The following TMTC4 variants were observed in gnomAD, a reference collection of about 807,000 sequenced individuals.
The protein encoded by TMTC4 is protein O-mannosyl-transferase TMTC4.
Under a neutral mutation model 86.0 loss-of-function variants are expected in TMTC4, and 65 were observed. The observed-to-expected ratio is 0.76, with a 90% CI of 0.62 to 0.93. The LOEUF (loss-of-function observed/expected upper bound fraction) is 0.93, where lower values mean the gene tolerates loss of function less well. TMTC4 is among the 40% of genes least tolerant of loss of function. TMTC4 has a pLI of 0.00. For synonymous variants in TMTC4, 379 were observed against 382.5 expected (o/e 0.99, Z 0.11); for missense variants, 866 against 948.1 (o/e 0.91, Z 1.14).
rs888911985 is a variant in TMTC4 at position 100,605,502 on chromosome 13, C to A, written c.2135-360G>T. Among the ~76,000 whole-genome samples the A allele has an allele frequency of 1.3e-5, 2 of 152,140 alleles. No individual in the cohort carries two copies. The highest frequency in any genetic ancestry group is 2.9e-5 in the Non-Finnish European group (2 of 68,022). On this transcript the variant is annotated intron_variant, in intron 18 of 18. Transcript: ENST00000342624. This position sits in a 1 kb window ranked among gnomAD's most constrained non-coding sequence, Gnocchi z 4.3. Reference sequence around the variant, plus strand: ...AGGTGGGGGTGATGGATGCTAGGCACTGCCCAGAGCCCTGACTATGCAGAA... The same window carrying A: ...AGGTGGGGGTGATGGATGCTAGGCAATGCCCAGAGCCCTGACTATGCAGAA...
At position 100,629,814 on chromosome 13, in the gene TMTC4, C is replaced by T. The variant is rs1256534693; in HGVS notation, c.1507-3664G>A. Among the ~76,000 whole-genome samples the T allele has an allele frequency of 4.6e-5, 7 of 152,002 alleles. No individual in the cohort carries two copies. The East Asian group carries it at 9.7e-4, about 21-fold the overall frequency. ...TATGACCCCAGTCCAGTATGAATGG[C>T]GTCCTTACAGAAAGAGGAAATATGG... On this transcript the variant is annotated intron_variant, in intron 12 of 18. Transcript: ENST00000342624.
At chr13:100,672,190 A>ATG (rs1378446362) in intron 1 of TMTC4, among the ~76,000 whole-genome samples, 2 of 152,336 alleles carry the variant, frequency 1.3e-5, no homozygotes, top group East Asian at 3.9e-4. Flanking sequence ...GGGCGCACCC[A>ATG]TGTTGCCAGT....
At chr13:100,612,107 G>A (rs1439839726) in intron 17 of TMTC4, among the ~76,000 whole-genome samples, 1 of 152,212 alleles carries the variant, frequency 6.6e-6, no homozygotes. Flanking sequence ...CGGCCTCTGA[G>A]GCCAAACATT....
intron 3 of TMTC4, chr13:100,665,992 T>C: frequency 2.2e-6 from 1 of 456,596 alleles, no homozygotes; most frequent in Middle Eastern, 3.3e-4. Context: ...CTTACAGAAG[T>C]ACCCGGTCAG....
At chr13:100,633,747 T>C (rs2138858007) in intron 12 of TMTC4, among the ~76,000 whole-genome samples, 1 of 152,352 alleles carries the variant, frequency 6.6e-6, no homozygotes, top group Admixed American at 6.5e-5. Context: ...AGCCCGCTGC[T>C]CCTAGGCCAG....
intron 15 of TMTC4, among the ~76,000 whole-genome samples, chr13:100,621,606 T>C (rs1205750867): frequency 6.6e-6 from 1 of 152,068 alleles, no homozygotes; most frequent in East Asian, 1.9e-4. Flanking sequence ...TTTGCATTTT[T>C]AGTAGAGATG....
chr13:100,637,144 G>A (rs1283336413), intron 9 of TMTC4, among the ~76,000 whole-genome samples: 1 of 151,870 alleles, frequency 6.6e-6, no homozygotes, highest in Non-Finnish European at 1.5e-5. Flanking sequence ...TGATACCCTT[G>A]CCTTTAGAAA....
chr13:100,623,966 C>A, intron 15 of TMTC4: 1 of 412,682 alleles, frequency 2.4e-6, no homozygotes, highest in South Asian at 1.9e-5. Context: ...TGTATGGGTC[C>A]AGTCTCTTCC....
At chr13:100,630,019 C>CTGTGTGTGTGTGTG (rs377655969) in intron 12 of TMTC4, among the ~76,000 whole-genome samples, 1 of 146,680 alleles carries the variant, frequency 6.8e-6, no homozygotes, top group Non-Finnish European at 1.5e-5. Context: ...GCCACCCAAT[C>CTGTGTGTGTGTGTG]TGTGTGTATG....
chr13:100,673,436 T>C (rs985670559), intron 1 of TMTC4: 24 of 874,126 alleles, frequency 2.7e-5, no homozygotes, highest in Non-Finnish European at 3.0e-5. Context: ...TTCAATCACA[T>C]AGCCAGCCAT....
rs557261365 is a variant in TMTC4, at chr13:100,635,252, A to G, written c.1203-57T>C. On this transcript the variant is annotated intron_variant, in intron 10 of 18. Coordinates refer to ENST00000342624, the MANE Select transcript of TMTC4 (RefSeq NM_032813.5). ...TATTTCCAGACTTCTCAAGAAAAAC[A>G]TCCTACTCCACATTAAATTAATGCT... The G allele has an allele frequency of 1.1e-4, 155 of 1,445,498 alleles. No homozygotes were observed. The African/African-American group carries it at 1.9e-3, about 18-fold the overall frequency. The allele number at this position is 1,445,498 out of a possible 1,614,324, so 89.5% of individuals were successfully genotyped here. A position where few individuals can be genotyped will look rare whatever the true frequency, so the allele number is the denominator to read the frequency against.
rs1196710615 is a variant in TMTC4 at position 100,604,257 on chromosome 13, T to G, written c.*737A>C. The G allele has an allele frequency of 1.3e-5, 2 of 152,674 alleles. No homozygotes were observed. Among genetic ancestry groups the G allele is most frequent in the African/African-American group, 4.8e-5 (2 of 41,458 alleles). 9.5% of individuals were successfully genotyped at this position (152,674 alleles called of 1,614,324 possible). On this transcript the variant is annotated 3_prime_UTR_variant, in exon 19 of 19. Coordinates refer to ENST00000342624, the MANE Select transcript of TMTC4 (RefSeq NM_032813.5). ...ACAAAAATAAAGATGTGAGGCTGCC[T>G]GCTCTTGCCTAAAGCATGGCTTGAA...
intron 17 of TMTC4, among the ~76,000 whole-genome samples, chr13:100,611,539 G>T (rs1164239901): frequency 1.3e-5 from 2 of 152,090 alleles, no homozygotes; most frequent in Non-Finnish European, 2.9e-5. Context: ...GAGCCGAGAT[G>T]GCGCCACTGC....
At position 100,637,694 on chromosome 13, in the gene TMTC4, G is replaced by T; in HGVS notation, c.843C>A (p.Gly281=). The stretch of plus-strand genomic sequence containing the variant: ...AGAGGAGGCCCCCGTTCCTGAGCAT[G>T]CCGAGATTCTGCAAGGACATCGCAA... ...LHKDKSLENL[G]MLRNGGLLFR... is the part of the protein sequence containing the mutation. The change falls in exon 9 of 19, where the codon GGC becomes GGA. Residue 281 remains glycine (G), a synonymous_variant. Coordinates refer to ENST00000342624, the MANE Select transcript of TMTC4 (RefSeq NM_032813.5). The T allele has an allele frequency of 6.2e-7, 1 of 1,613,840 alleles. No homozygotes were observed. Among genetic ancestry groups the T allele is most frequent in the Non-Finnish European group, 8.5e-7 (1 of 1,179,794 alleles).
chr13:100,613,719 G>A (rs1429161747), intron 16 of TMTC4, among the ~76,000 whole-genome samples: 2 of 151,868 alleles, frequency 1.3e-5, no homozygotes, highest in Non-Finnish European at 2.9e-5. Context: ...CATTTTCCCA[G>A]ACATTCACAT....
chr13:100,625,705 CAAG>C, intron 14 of TMTC4, 29 bp from the exon 15 acceptor site: 3 of 1,611,696 alleles, frequency 1.9e-6, no homozygotes, highest in South Asian at 1.1e-5. Flanking sequence ...CAAAGATAAA[CAAG>C]AAGATGAAAG....
At chr13:100,616,960 G>A (rs536208941) in intron 15 of TMTC4, among the ~76,000 whole-genome samples, 6 of 152,216 alleles carry the variant, frequency 3.9e-5, no homozygotes, top group South Asian at 2.1e-4. Context: ...TCTGTAGGTC[G>A]TCTGTTTACT....
At chr13:100,617,799 G>C (rs1182981682) in intron 15 of TMTC4, among the ~76,000 whole-genome samples, 2 of 152,190 alleles carry the variant, frequency 1.3e-5, no homozygotes, top group African/African-American at 4.8e-5. Context: ...TTATGCTTAG[G>C]ACTGCTTTGG....
chr13:100,614,864 T>C, intron 15 of TMTC4: 1 of 948,500 alleles, frequency 1.1e-6, no homozygotes, highest in Non-Finnish European at 1.3e-6. Flanking sequence ...TCATTGTTGA[T>C]AAAGTATTAC....
Sources: allele counts gnomAD v4.1 joint callset (sites outside exome capture counted in the v4.1 genomes callset), GRCh38; gene constraint gnomAD v4.1.1; non-coding constraint Gnocchi (gnomAD v3.1); transcripts MANE v1.5; gene names NCBI Gene and HGNC (gene_info 2026-07-23, HGNC 2026-07-21).